The following LZTFL1 variants were observed in gnomAD, a reference collection of about 807,000 sequenced individuals.
LZTFL1 encodes the protein leucine zipper transcription factor like 1.
A neutral mutation model predicts 45.9 loss-of-function variants in LZTFL1; 25 were observed. The ratio of observed to expected loss-of-function variants is 0.54; its 90% CI spans 0.40 to 0.76. LZTFL1 has a LOEUF of 0.76. Among genes scored for constraint, LZTFL1 ranks in the 30% least tolerant of loss-of-function variants. The pLI is 0.00. For missense variants in LZTFL1, 277 were observed against 331.1 expected, an observed-to-expected ratio of 0.84 and a Z score of 1.27; for synonymous variants, 93 against 117.4, an observed-to-expected ratio of 0.79 and a Z score of 1.35.
rs1190629816 is a variant in LZTFL1 at position 45,901,657 on chromosome 3, C to T, written c.-215+11463G>A. On this transcript the variant is annotated intron_variant, in intron 2 of 4. Coordinates refer to the LZTFL1 transcript ENST00000472635. The surrounding 1 kb of genome is among the most constrained non-coding windows in gnomAD (Gnocchi z 4.3). ...TATGCCATGTTCATCTCCAACTGTG[C>T]CGTTTCCACCAACATTGACATCTGC... 1 of 1,613,992 alleles carries T rather than the reference C, an allele frequency of 6.2e-7. No individual in the cohort carries two copies. Among genetic ancestry groups the T allele is most frequent in the East Asian group, 2.2e-5 (1 of 44,876 alleles).
chr3:45,842,177 A>T (rs963949095), upstream of LZTFL1: 16 of 1,465,422 alleles, frequency 1.1e-5, no homozygotes, highest in African/African-American at 2.2e-4. Flanking sequence ...ATTGGTCCTC[A>T]GGATCACGCG....
At chr3:45,833,435 G>C (rs183473502) in intron 4 of LZTFL1, among the ~76,000 whole-genome samples, 2 of 152,146 alleles carry the variant, frequency 1.3e-5, no homozygotes, top group Non-Finnish European at 2.9e-5. Context: ...AGCCAGATCT[G>C]ATATAGAGCC....
At chr3:45,840,999 G>C (rs1348434752) in intron 1 of LZTFL1, among the ~76,000 whole-genome samples, 1 of 152,190 alleles carries the variant, frequency 6.6e-6, no homozygotes, top group Non-Finnish European at 1.5e-5. Flanking sequence ...TGATTCCAAA[G>C]CCTCAGTTGT....
upstream of LZTFL1, among the ~76,000 whole-genome samples, chr3:45,842,940 G>A (rs1344541261): frequency 6.6e-6 from 1 of 152,222 alleles, no homozygotes; most frequent in Non-Finnish European, 1.5e-5. Context: ...GGGACTCAGA[G>A]TCCTTCACTC....
chr3:45,839,500 C>G (rs758535040), intron 1 of LZTFL1, among the ~76,000 whole-genome samples: 2 of 152,186 alleles, frequency 1.3e-5, no homozygotes, highest in Non-Finnish European at 2.9e-5. Context: ...AATGAACACT[C>G]TACTTTAGCC....
chr3:45,866,374 A>G (rs1016787114), intron 2 of LZTFL1, among the ~76,000 whole-genome samples: 3 of 152,204 alleles, frequency 2.0e-5, no homozygotes, highest in Non-Finnish European at 4.4e-5. Context: ...AAGACGAAAA[A>G]TTTAAAAGCC....
At chr3:45,892,359 A>T (rs957052626) in intron 2 of LZTFL1, among the ~76,000 whole-genome samples, 2 of 152,222 alleles carry the variant, frequency 1.3e-5, no homozygotes, top group Admixed American at 1.3e-4. Context: ...GTACATATAC[A>T]TCATGGAATA....
intron 4 of LZTFL1, among the ~76,000 whole-genome samples, chr3:45,854,052 G>A (rs1407032212): frequency 6.6e-6 from 1 of 152,100 alleles, no homozygotes; most frequent in East Asian, 1.9e-4. Context: ...TTACACTATG[G>A]ACACCTCCTC....
chr3:45,871,535 C>G (rs2125716758), intron 2 of LZTFL1, among the ~76,000 whole-genome samples: 1 of 152,218 alleles, frequency 6.6e-6, no homozygotes, highest in South Asian at 2.1e-4. Context: ...TTTTGTTTTG[C>G]AGGAGCAGAA....
intron 2 of LZTFL1, among the ~76,000 whole-genome samples, chr3:45,863,729 C>A (rs1701532923): frequency 6.6e-6 from 1 of 152,134 alleles, no homozygotes; most frequent in Admixed American, 6.6e-5. Flanking sequence ...ATGTAGGGGG[C>A]CTCTATCGGC....
intron 2 of LZTFL1, among the ~76,000 whole-genome samples, chr3:45,896,823 T>C (rs1702371829): frequency 6.6e-6 from 1 of 152,254 alleles, no homozygotes; most frequent in African/African-American, 2.4e-5. Context: ...TTGTGCCCAT[T>C]CTTGGTGCTA....
intron 3 of LZTFL1, among the ~76,000 whole-genome samples, chr3:45,855,773 C>T (rs1701382682): frequency 6.6e-6 from 1 of 151,998 alleles, no homozygotes. Flanking sequence ...GACAGACAGC[C>T]AAATCATGAA....
chr3:45,876,628 CT>C (rs1701752807), intron 2 of LZTFL1, among the ~76,000 whole-genome samples: 1 of 152,018 alleles, frequency 6.6e-6, no homozygotes, highest in African/African-American at 2.4e-5. Flanking sequence ...TGTATTAGTT[CT>C]TTTTCCTCTC....
chr3:45,857,601 A>G (rs1287867709), intron 3 of LZTFL1, among the ~76,000 whole-genome samples: 1 of 152,266 alleles, frequency 6.6e-6, no homozygotes, highest in East Asian at 1.9e-4. Context: ...AGTTAATTAC[A>G]TTGACAAAAT....
chr3:45,909,809 T>C (rs976591699), intron 2 of LZTFL1, among the ~76,000 whole-genome samples: 1 of 152,198 alleles, frequency 6.6e-6, no homozygotes, highest in Non-Finnish European at 1.5e-5. Flanking sequence ...CAGAGGCTGA[T>C]AAAGGCCGCA....
chr3:45,882,586 G>A (rs1308350933), intron 2 of LZTFL1, among the ~76,000 whole-genome samples: 1 of 152,104 alleles, frequency 6.6e-6, no homozygotes, highest in East Asian at 1.9e-4. Flanking sequence ...TAGATACTTG[G>A]TATATTGGAA....
intron 2 of LZTFL1, among the ~76,000 whole-genome samples, chr3:45,894,497 G>A (rs899710457): frequency 6.6e-6 from 1 of 152,144 alleles, no homozygotes; most frequent in Non-Finnish European, 1.5e-5. Context: ...AGGGGGAAGG[G>A]GAACCAGTCA....
intron 2 of LZTFL1, chr3:45,895,011 A>C: frequency 6.4e-7 from 1 of 1,554,508 alleles, no homozygotes; most frequent in Non-Finnish European, 8.9e-7. Context: ...TTCCCTTTTT[A>C]GGGGGTGTGG....
intron 5 of LZTFL1, 45 bp from the exon 6 acceptor site, chr3:45,831,183 T>A: frequency 6.9e-6 from 7 of 1,021,750 alleles, no homozygotes; most frequent in Non-Finnish European, 8.5e-6. Flanking sequence ...CAAAATATTT[T>A]AATATTTGAA....
Sources: gnomAD v4.1 joint callset for allele counts (sites outside exome capture counted in the v4.1 genomes callset) on GRCh38, gnomAD v4.1.1 for gene constraint, Gnocchi (gnomAD v3.1) non-coding constraint, MANE v1.5 for transcripts, NCBI Gene and HGNC (gene_info 2026-07-23, HGNC 2026-07-21) for gene names.